TUSC3: variants seen among roughly 807,000 people sequenced by gnomAD.
TUSC3 encodes dolichyl-diphosphooligosaccharide--protein glycosyltransferase subunit TUSC3.
Under a neutral mutation model 44.8 loss-of-function variants are expected in TUSC3, and 45 were observed. The ratio of observed to expected loss-of-function variants is 1.00; its 90% CI spans 0.79 to 1.29. The LOEUF is 1.29. TUSC3 is among the 50% of genes most tolerant of loss of function. The probability of loss-of-function intolerance (pLI) is 0.00; values close to 1 mark genes in which losing one functional copy is unlikely to be tolerated. For missense variants in TUSC3, 519 were observed against 437.9 expected, an observed-to-expected ratio of 1.19 and a Z score of -1.65; for synonymous variants, 212 against 152.9, an observed-to-expected ratio of 1.39 and a Z score of -2.85.
At chr8:15,789,971 C>T in the TUSC3 span, among the ~76,000 whole-genome samples, 9 of 152,066 alleles carry the variant, frequency 5.9e-5, no homozygotes, top group African/African-American at 2.2e-4. Context: ...TTTATTGAAC[C>T]AGAGCTGCTC....
chr8:15,758,581 C>T (rs769554980), intron 10 of TUSC3, among the ~76,000 whole-genome samples: 3 of 152,002 alleles, frequency 2.0e-5, no homozygotes, highest in East Asian at 1.9e-4. Context: ...AGCCTTCTTA[C>T]TCTGGCAGAA....
At chr8:15,530,540 G>T (rs1364844251) in intron 2 of TUSC3, among the ~76,000 whole-genome samples, 2 of 152,100 alleles carry the variant, frequency 1.3e-5, no homozygotes, top group Non-Finnish European at 2.9e-5. Flanking sequence ...TCTGCCTGAG[G>T]TCACACAGCT....
intron 9 of TUSC3, among the ~76,000 whole-genome samples, chr8:15,749,029 C>T (rs1392002638): frequency 1.3e-5 from 2 of 152,232 alleles, no homozygotes; most frequent in East Asian, 1.9e-4. Flanking sequence ...CAGTAAAGCA[C>T]ACTACAGAAG....
chr8:15,727,101 G>A (rs2096423324), intron 6 of TUSC3, among the ~76,000 whole-genome samples: 1 of 152,098 alleles, frequency 6.6e-6, no homozygotes, highest in Admixed American at 6.6e-5. Flanking sequence ...AGCTTTCAGG[G>A]AATTCATTAG....
At chr8:15,482,634 G>T (rs942692717) in intron 1 of TUSC3, among the ~76,000 whole-genome samples, 2 of 152,158 alleles carry the variant, frequency 1.3e-5, no homozygotes, top group Non-Finnish European at 2.9e-5. Flanking sequence ...CATCCATTCT[G>T]CAGGCCATAG....
intron 1 of TUSC3, among the ~76,000 whole-genome samples, chr8:15,564,864 G>T (rs907501298): frequency 6.6e-6 from 1 of 152,068 alleles, no homozygotes; most frequent in Non-Finnish European, 1.5e-5. Flanking sequence ...GTGTGGTTCT[G>T]TGTTAGTGTG....
chr8:15,769,642 A>G (rs1315823406), downstream of TUSC3, among the ~76,000 whole-genome samples: 1 of 152,222 alleles, frequency 6.6e-6, no homozygotes, highest in Non-Finnish European at 1.5e-5. Context: ...GCAAACAGAC[A>G]ACCTACAGAA....
intron 2 of TUSC3, among the ~76,000 whole-genome samples, chr8:15,506,715 G>A (rs929987437): frequency 2.6e-5 from 4 of 152,064 alleles, no homozygotes; most frequent in Admixed American, 6.6e-5. Context: ...GGAAAAACCC[G>A]TCCCCATGAT....
chr8:15,556,643 C>G (rs1585097902), intron 1 of TUSC3, among the ~76,000 whole-genome samples: 2 of 143,458 alleles, frequency 1.4e-5, no homozygotes, highest in Admixed American at 1.4e-4. Context: ...GTTCCTCTTT[C>G]TCCACATCCT....
chr8:15,806,692 G>A, the TUSC3 span: 3 of 932,832 alleles, frequency 3.2e-6, no homozygotes, highest in Non-Finnish European at 5.2e-6. Flanking sequence ...GGATACATTT[G>A]TAATCAAAAT....
At chr8:15,563,441 A>G (rs1327215397) in intron 1 of TUSC3, among the ~76,000 whole-genome samples, 1 of 152,106 alleles carries the variant, frequency 6.6e-6, no homozygotes, top group Admixed American at 6.5e-5. Context: ...GAATCCCAGC[A>G]TTTTGGGAGG....
At chr8:15,677,142 TA>T (rs1377519443) in intron 6 of TUSC3, among the ~76,000 whole-genome samples, 2 of 152,050 alleles carry the variant, frequency 1.3e-5, no homozygotes, top group Non-Finnish European at 2.9e-5. Context: ...CTCAGTGCCC[TA>T]AGTACCTCGG....
chr8:15,510,532 C>A (rs1801118561), intron 2 of TUSC3, among the ~76,000 whole-genome samples: 1 of 152,064 alleles, frequency 6.6e-6, no homozygotes, highest in Non-Finnish European at 1.5e-5. Context: ...CGGGAGCTCA[C>A]CCAGGAAGAA....
At chr8:15,525,226 C>A (rs1032433857) in intron 2 of TUSC3, among the ~76,000 whole-genome samples, 2 of 152,170 alleles carry the variant, frequency 1.3e-5, no homozygotes, top group Non-Finnish European at 2.9e-5. Context: ...TTCCTCTATA[C>A]CTAAGTAAAA....
the TUSC3 span, among the ~76,000 whole-genome samples, chr8:15,847,225 T>C: frequency 2.0e-5 from 3 of 152,104 alleles, no homozygotes; most frequent in Non-Finnish European, 4.4e-5. Context: ...AGGGTGTGTA[T>C]GAGACAGAAG....
intron 2 of TUSC3, among the ~76,000 whole-genome samples, chr8:15,643,623 A>G (rs1364953131): frequency 6.6e-6 from 1 of 152,180 alleles, no homozygotes; most frequent in Non-Finnish European, 1.5e-5. Flanking sequence ...GCTTTAAGAA[A>G]CACAACCTCT....
At chr8:15,587,814 A>G (rs964379869) in intron 1 of TUSC3, among the ~76,000 whole-genome samples, 26 of 152,222 alleles carry the variant, frequency 1.7e-4, no homozygotes, top group African/African-American at 5.8e-4. Flanking sequence ...GAGAACATAT[A>G]TGATTTATCT....
intron 2 of TUSC3, among the ~76,000 whole-genome samples, chr8:15,642,363 A>T (rs1369225573): frequency 6.6e-6 from 1 of 152,208 alleles, no homozygotes; most frequent in Admixed American, 6.5e-5. Context: ...TCTATTAAAA[A>T]TAAGTTTGAT....
At chr8:15,742,234 G>GGGTTGATGTTGTGCAGGGGTGGC (rs1174526024) in intron 7 of TUSC3, among the ~76,000 whole-genome samples, 1 of 152,022 alleles carries the variant, frequency 6.6e-6, no homozygotes, top group Admixed American at 6.6e-5. Flanking sequence ...TATGGTGGGA[G>GGGTTGATGTTGTGCAGGGGTGGC]GGGCTTTTCT....
Sources: gnomAD v4.1 joint callset for allele counts (sites outside exome capture counted in the v4.1 genomes callset) on GRCh38, gnomAD v4.1.1 for gene constraint, MANE v1.5 for transcripts, NCBI Gene and HGNC (gene_info 2026-07-23, HGNC 2026-07-21) for gene names.